ACOXL: variants seen among roughly 807,000 people sequenced by gnomAD.
The protein encoded by ACOXL is acyl-CoA oxidase like, also known as acyl-coenzyme A oxidase-like protein.
A neutral mutation model predicts 71.9 loss-of-function variants in ACOXL; 70 were observed. The ratio of observed to expected loss-of-function variants is 0.97; its 90% CI spans 0.80 to 1.19. The LOEUF is 1.19. ACOXL is among the 50% of genes most tolerant of loss of function. The pLI, the probability that ACOXL is intolerant of heterozygous loss-of-function variation, is 0.00. For synonymous variants in ACOXL, 253 were observed against 281.6 expected (o/e 0.90, Z 1.02); for missense variants, 703 against 736.3 (o/e 0.95, Z 0.52).
intron 2 of ACOXL, 61 bp downstream of exon 2, chr2:110,768,525 A>G (rs1483816693): frequency 1.7e-5 from 25 of 1,467,948 alleles, no homozygotes; most frequent in Non-Finnish European, 2.2e-5. Flanking sequence ...AGAGAGAGAG[A>G]GAGAGAGAGA....
chr2:111,105,160 A>C (rs191455560), intron 17 of ACOXL, among the ~76,000 whole-genome samples: 25 of 152,006 alleles, frequency 1.6e-4, no homozygotes, highest in Admixed American at 1.3e-3. Flanking sequence ...GTATGGTTCT[A>C]TTTCTGCATT....
chr2:110,879,051 C>T (rs1375151104), intron 10 of ACOXL, among the ~76,000 whole-genome samples: 13 of 132,004 alleles, frequency 9.8e-5, no homozygotes, highest in African/African-American at 2.6e-4. Flanking sequence ...GGCGAGGCTC[C>T]GTTAAAAAAA....
At chr2:111,018,449 A>G (rs1221830081) in intron 14 of ACOXL, among the ~76,000 whole-genome samples, 1 of 152,316 alleles carries the variant, frequency 6.6e-6, no homozygotes, top group South Asian at 2.1e-4. Flanking sequence ...GCCCATCAGT[A>G]TCCCATTGGG....
chr2:110,959,523 G>A (rs3789109), intron 12 of ACOXL, among the ~76,000 whole-genome samples: 76,037 of 151,914 alleles, frequency 0.5, 19,598 homozygotes, highest in East Asian at 0.79. Flanking sequence ...AGCCCAGGAG[G>A]GGCTCCTTCC....
chr2:111,111,379 C>CA (rs2069946491), intron 17 of ACOXL, among the ~76,000 whole-genome samples: 1 of 152,206 alleles, frequency 6.6e-6, no homozygotes, highest in African/African-American at 2.4e-5. Context: ...AAATTACAGG[C>CA]ATGAGCCACT....
intron 17 of ACOXL, among the ~76,000 whole-genome samples, chr2:111,111,027 A>T (rs73954922): frequency 7.5e-6 from 1 of 132,866 alleles, no homozygotes; most frequent in Non-Finnish European, 1.8e-5. Flanking sequence ...TTCCTTCTTG[A>T]GTATGTTTGC....
chr2:110,982,016 A>G (rs1378541505), intron 12 of ACOXL, among the ~76,000 whole-genome samples: 1 of 152,196 alleles, frequency 6.6e-6, no homozygotes, highest in Non-Finnish European at 1.5e-5. Context: ...TGAAACAACA[A>G]CAAAACTAAC....
intron 10 of ACOXL, among the ~76,000 whole-genome samples, chr2:110,861,275 A>G (rs1289494447): frequency 3.3e-5 from 5 of 152,150 alleles, no homozygotes; most frequent in East Asian, 1.9e-4. Context: ...ATAAAGCTCA[A>G]TGTAAATTCT....
chr2:110,840,433 C>T lies in ACOXL; in HGVS notation c.754-938C>T, dbSNP rs1325412353. Among the ~76,000 whole-genome samples the T allele has an allele frequency of 2.0e-5, 3 of 152,270 alleles. No homozygotes were observed. The East Asian group carries it at 5.8e-4, about 29-fold the overall frequency. ...TTTCCTATCACACAATAGGCACACG[C>T]ATACACACACAGAGATAAGAACACA... On this transcript the variant is annotated intron_variant, in intron 9 of 17. Transcript: ENST00000439055.
intron 10 of ACOXL, chr2:110,887,206 A>G (rs901190032): frequency 2.7e-5 from 6 of 226,286 alleles, no homozygotes; most frequent in African/African-American, 6.7e-5. Context: ...ATTGGCTTCT[A>G]TTACACAATG....
chr2:111,050,555 C>T (rs973402485), intron 16 of ACOXL, among the ~76,000 whole-genome samples: 3 of 152,170 alleles, frequency 2.0e-5, no homozygotes, highest in Admixed American at 6.5e-5. Flanking sequence ...CTCTGCTCAC[C>T]GGCCTTTGGT....
chr2:111,090,377 G>A (rs1207040056), intron 16 of ACOXL, among the ~76,000 whole-genome samples: 1 of 152,130 alleles, frequency 6.6e-6, no homozygotes, highest in East Asian at 1.9e-4. Context: ...AGACATTTCA[G>A]GTACTGTTTG....
At chr2:110,993,139 G>A (rs1333513484) in intron 13 of ACOXL, among the ~76,000 whole-genome samples, 6 of 152,130 alleles carry the variant, frequency 3.9e-5, no homozygotes, top group African/African-American at 1.4e-4. Flanking sequence ...TACATATTTA[G>A]TTATAGTTCT....
At chr2:110,910,905 A>G (rs2059629796) in intron 11 of ACOXL, among the ~76,000 whole-genome samples, 1 of 152,054 alleles carries the variant, frequency 6.6e-6, no homozygotes, top group Non-Finnish European at 1.5e-5. Context: ...TATTTTCTTA[A>G]TAATGTTATT....
chr2:111,091,446 A>G (rs980415740), intron 16 of ACOXL, among the ~76,000 whole-genome samples: 2 of 152,194 alleles, frequency 1.3e-5, no homozygotes, highest in Non-Finnish European at 2.9e-5. Context: ...ATTTTTGTAT[A>G]CCTGAGCGAT....
At chr2:111,064,630 C>T (rs1163081771) in intron 16 of ACOXL, among the ~76,000 whole-genome samples, 2 of 152,132 alleles carry the variant, frequency 1.3e-5, no homozygotes, top group African/African-American at 4.8e-5. Flanking sequence ...CACAACCATC[C>T]TTTCGTTTCC....
chr2:110,924,877 A>G (rs982667260), intron 11 of ACOXL, among the ~76,000 whole-genome samples: 4 of 152,094 alleles, frequency 2.6e-5, no homozygotes, highest in African/African-American at 4.8e-5. Flanking sequence ...TATGACAGCC[A>G]TAGCCTTATG....
chr2:110,834,136 T>C (rs542879559), intron 9 of ACOXL, among the ~76,000 whole-genome samples: 115 of 152,354 alleles, frequency 7.5e-4, no homozygotes, highest in Non-Finnish European at 1.2e-3. Flanking sequence ...CCTTTTCTTC[T>C]CTTTGTCCTC....
intron 17 of ACOXL, 96 bp from the exon 18 acceptor site, chr2:111,117,520 T>C (rs929813434): frequency 2.7e-5 from 35 of 1,288,676 alleles, no homozygotes; most frequent in Admixed American, 4.0e-5. Context: ...CCGGGGCCGC[T>C]GTGTGTGCGG....
Sources: allele counts gnomAD v4.1 joint callset (sites outside exome capture counted in the v4.1 genomes callset), GRCh38; gene constraint gnomAD v4.1.1; transcripts MANE v1.5; gene names NCBI Gene and HGNC (gene_info 2026-07-23, HGNC 2026-07-21).